MYO1D: variants seen among roughly 807,000 people sequenced by gnomAD.
MYO1D encodes the protein unconventional myosin-Id.
A neutral mutation model predicts 122.0 loss-of-function variants in MYO1D; 83 were observed. The observed-to-expected ratio is 0.68, with a 90% CI of 0.57 to 0.82. The LOEUF (loss-of-function observed/expected upper bound fraction) is 0.82, where lower values mean the gene tolerates loss of function less well. Ranked by LOEUF, MYO1D falls within the 40% of genes least tolerant of loss-of-function variation. The probability of loss-of-function intolerance (pLI) is 0.00; values close to 1 mark genes in which losing one functional copy is unlikely to be tolerated. For synonymous variants in MYO1D, 464 were observed against 446.9 expected, an observed-to-expected ratio of 1.04 and a Z score of -0.48; for missense variants, 1,157 against 1,269.5, an observed-to-expected ratio of 0.91 and a Z score of 1.35.
chr17:32,842,919 C>T (rs2090897673), intron 1 of MYO1D, among the ~76,000 whole-genome samples: 2 of 129,294 alleles, frequency 1.5e-5, no homozygotes, highest in Admixed American at 9.3e-5. Flanking sequence ...GATGGAGTCT[C>T]GCTCTGTAGC....
At chr17:32,525,763 A>G (rs1410987974) in intron 21 of MYO1D, among the ~76,000 whole-genome samples, 3 of 152,166 alleles carry the variant, frequency 2.0e-5, no homozygotes, top group Non-Finnish European at 4.4e-5. Flanking sequence ...CACAGAAGAA[A>G]GTAGAGAGAA....
At chr17:32,607,686 A>G (rs11868121) in intron 20 of MYO1D, among the ~76,000 whole-genome samples, 46,626 of 152,032 alleles carry the variant, frequency 0.31, 7,346 homozygotes, top group South Asian at 0.36. Context: ...TGGAAAAGCA[A>G]AAGAACTAGA....
At chr17:32,645,566 A>G (rs2088278156) in intron 19 of MYO1D, among the ~76,000 whole-genome samples, 1 of 151,762 alleles carries the variant, frequency 6.6e-6, no homozygotes, top group South Asian at 2.1e-4. Flanking sequence ...TGGTCTTTTC[A>G]CACAGTCCCA....
chr17:32,802,845 G>A (rs1038782363), intron 1 of MYO1D, among the ~76,000 whole-genome samples: 7 of 152,130 alleles, frequency 4.6e-5, no homozygotes, highest in Non-Finnish European at 1.5e-5. Context: ...ACATGATTTT[G>A]TTCTTCAAAT....
intron 10 of MYO1D, among the ~76,000 whole-genome samples, chr17:32,758,476 G>A (rs1352732392): frequency 6.6e-6 from 1 of 152,064 alleles, no homozygotes; most frequent in Non-Finnish European, 1.5e-5. Flanking sequence ...TATGGTTTTT[G>A]TAAAACTCTC....
chr17:32,871,885 T>C (rs2091182686), intron 1 of MYO1D, among the ~76,000 whole-genome samples: 1 of 152,106 alleles, frequency 6.6e-6, no homozygotes, highest in African/African-American at 2.4e-5. Context: ...GAATGGCCCA[T>C]GTAAGGAGAA....
chr17:32,548,486 G>T (rs1474613563), intron 21 of MYO1D, among the ~76,000 whole-genome samples: 1 of 151,844 alleles, frequency 6.6e-6, no homozygotes, highest in African/African-American at 2.4e-5. Flanking sequence ...GCAGAGGAGG[G>T]AAAATGAGAA....
chr17:32,545,357 C>A (rs2086957298), intron 21 of MYO1D, among the ~76,000 whole-genome samples: 1 of 152,176 alleles, frequency 6.6e-6, no homozygotes, highest in African/African-American at 2.4e-5. Flanking sequence ...AGTGGCAGCA[C>A]CCAGGAAACA....
chr17:32,844,366 A>C (rs2090915091), intron 1 of MYO1D, among the ~76,000 whole-genome samples: 1 of 147,012 alleles, frequency 6.8e-6, no homozygotes, highest in South Asian at 2.1e-4. Flanking sequence ...TATATATTAT[A>C]TATAGTATAT....
At chr17:32,723,079 G>A (rs550502262) in intron 14 of MYO1D, among the ~76,000 whole-genome samples, 11 of 152,280 alleles carry the variant, frequency 7.2e-5, no homozygotes, top group Non-Finnish European at 1.5e-4. Flanking sequence ...TCACAACGGC[G>A]TCTTGGTTGG....
intron 1 of MYO1D, among the ~76,000 whole-genome samples, chr17:32,830,797 T>C (rs1417406287): frequency 6.6e-6 from 1 of 152,172 alleles, no homozygotes; most frequent in East Asian, 1.9e-4. Context: ...CGGTGGCTCA[T>C]GCCTGTAATC....
chr17:32,570,079 G>A (rs1028502114), intron 21 of MYO1D, among the ~76,000 whole-genome samples: 1 of 152,178 alleles, frequency 6.6e-6, no homozygotes, highest in Non-Finnish European at 1.5e-5. Flanking sequence ...CAGTAACTGA[G>A]CAATTAGGGA....
intron 20 of MYO1D, among the ~76,000 whole-genome samples, chr17:32,615,071 A>G (rs1567910940): frequency 6.6e-6 from 1 of 152,238 alleles, no homozygotes; most frequent in Non-Finnish European, 1.5e-5. Context: ...AGAACATAAT[A>G]AAGTAGCGGT....
At chr17:32,685,825 T>A (rs897062800) in intron 16 of MYO1D, among the ~76,000 whole-genome samples, 1 of 152,270 alleles carries the variant, frequency 6.6e-6, no homozygotes, top group Non-Finnish European at 1.5e-5. Context: ...CATGCTCGGT[T>A]ACATTATAGT....
intron 21 of MYO1D, among the ~76,000 whole-genome samples, chr17:32,570,916 A>G (rs1379538453): frequency 6.6e-6 from 1 of 152,150 alleles, no homozygotes; most frequent in Non-Finnish European, 1.5e-5. Context: ...CCAAGCACAC[A>G]TGTCTGTTGT....
chr17:32,744,139 TC>T (rs1247995865), intron 13 of MYO1D, among the ~76,000 whole-genome samples: 1 of 152,152 alleles, frequency 6.6e-6, no homozygotes, highest in Non-Finnish European at 1.5e-5. Flanking sequence ...ACTCTTTCCA[TC>T]CCTCACTCTG....
chr17:32,659,035 C>T, intron 17 of MYO1D, 80 bp downstream of exon 17: 6 of 1,282,874 alleles, frequency 4.7e-6, no homozygotes, highest in Non-Finnish European at 6.7e-6. Context: ...GAGTCAATAT[C>T]ACGGTCTCAG....
intron 16 of MYO1D, chr17:32,686,492 G>A (rs2089008425): frequency 6.6e-6 from 1 of 152,176 alleles, no homozygotes; most frequent in South Asian, 2.1e-4. Flanking sequence ...CCAAGTTTGT[G>A]ATAATTTTTT....
rs1179847947 is a variant in MYO1D, at chr17:32,679,319, C to T, written c.2122-19981G>A. 2.0e-5 allele frequency among the ~76,000 whole-genome samples: 3 copies of T among 152,016 alleles called. 1 individual carries two copies. In the South Asian group the frequency reaches 6.2e-4, roughly 32 times the overall value. ...TTGCCATTGCTTTTGGTGTTTTGTA[C>T]ATGAAGTCCTTGCCCACGCCTATGT... On this transcript the variant is annotated intron_variant, in intron 16 of 21. Transcript: ENST00000318217.
Sources: gnomAD v4.1 joint callset for allele counts (sites outside exome capture counted in the v4.1 genomes callset) on GRCh38, gnomAD v4.1.1 for gene constraint, MANE v1.5 for transcripts, NCBI Gene and HGNC (gene_info 2026-07-23, HGNC 2026-07-21) for gene names.